The following FBLIM1 variants were observed in gnomAD, a reference collection of about 807,000 sequenced individuals.
FBLIM1 encodes filamin-binding LIM protein 1.
In FBLIM1, 29 loss-of-function variants were observed where a neutral mutation model predicts 37.4. The ratio of observed to expected loss-of-function variants is 0.77; its 90% CI spans 0.58 to 1.06. The LOEUF is 1.06. Ranked by LOEUF, FBLIM1 falls within the 50% of genes least tolerant of loss-of-function variation. The probability of loss-of-function intolerance (pLI) is 0.00; values close to 1 mark genes in which losing one functional copy is unlikely to be tolerated. For synonymous variants in FBLIM1, 193 were observed against 199.0 expected (o/e 0.97, Z 0.25); for missense variants, 449 against 505.6 (o/e 0.89, Z 1.07).
chr1:15,779,675 A>G (rs1330707959), intron 8 of FBLIM1, among the ~76,000 whole-genome samples: 1 of 152,086 alleles, frequency 6.6e-6, no homozygotes, highest in Non-Finnish European at 1.5e-5. Flanking sequence ...GTCAGAGAGA[A>G]GGAAAGGACT....
intron 1 of FBLIM1, among the ~76,000 whole-genome samples, chr1:15,759,238 T>C (rs1569664642): frequency 6.6e-6 from 1 of 152,274 alleles, no homozygotes; most frequent in Admixed American, 6.5e-5. Flanking sequence ...GCCGCCCTGC[T>C]CGGCTGCCTG....
In FBLIM1 at chr1:15,766,891, CT is replaced by C. The variant is rs36087502; in HGVS notation, c.251-469del. On this transcript the variant is annotated intron_variant, in intron 3 of 8. Transcript: ENST00000375766. ...TACAGGTGTGAGCCACTGCACCCGG[CT>C]TTTTTTTTTTTTTTTGAGACAGGTT... Among the ~76,000 whole-genome samples, 412 of 133,156 alleles carry C rather than the reference CT, an allele frequency of 3.1e-3. 1 individual carries two copies. Among genetic ancestry groups the C allele is most frequent in the South Asian group, 0.011 (44 of 4,136 alleles). 87.4% of individuals were successfully genotyped at this position (133,156 alleles called of 152,430 possible).
intron 7 of FBLIM1, chr1:15,775,006 C>G: frequency 1.0e-6 from 1 of 988,892 alleles, no homozygotes; most frequent in Non-Finnish European, 1.5e-6. Context: ...ATCACGAGGT[C>G]AGGAGATCGA....
intron 7 of FBLIM1, 32 bp from the exon 8 acceptor site, chr1:15,777,138 C>T (rs771521413): frequency 2.4e-5 from 37 of 1,541,840 alleles, no homozygotes; most frequent in African/African-American, 1.4e-4. Flanking sequence ...GTGGCATGAA[C>T]GCCTCCCAAG....
intron 8 of FBLIM1, among the ~76,000 whole-genome samples, chr1:15,779,752 G>T (rs2069589343): frequency 6.6e-6 from 1 of 152,206 alleles, no homozygotes; most frequent in African/African-American, 2.4e-5. Flanking sequence ...TGGGCGAGCT[G>T]ATTAGAAGCT....
chr1:15,762,722 T>C (rs1557684627), intron 1 of FBLIM1, among the ~76,000 whole-genome samples: 1 of 152,218 alleles, frequency 6.6e-6, no homozygotes, highest in Non-Finnish European at 1.5e-5. Context: ...TCTGATATCC[T>C]CTAGGCACAC....
intron 6 of FBLIM1, among the ~76,000 whole-genome samples, chr1:15,772,546 C>G (rs150624154): frequency 5.0e-4 from 76 of 152,306 alleles, no homozygotes; most frequent in African/African-American, 1.8e-3. Context: ...GAAGGAGAGA[C>G]AGCATGTCCA....
At chr1:15,769,764 G>A (rs2069110233) in intron 5 of FBLIM1, among the ~76,000 whole-genome samples, 1 of 151,850 alleles carries the variant, frequency 6.6e-6, no homozygotes, top group Non-Finnish European at 1.5e-5. Context: ...AGTCTCCTGA[G>A]TACTGGGACT....
upstream of FBLIM1, chr1:15,757,837 C>T (rs908802778): frequency 1.3e-5 from 2 of 152,284 alleles, no homozygotes; most frequent in African/African-American, 2.4e-5. This position sits in a 1 kb window ranked among gnomAD's most constrained non-coding sequence, Gnocchi z 4.1. Context: ...CCGGCCCCAT[C>T]CCGGGCCCCA....
At chr1:15,761,255 G>C (rs1334216657) in intron 1 of FBLIM1, among the ~76,000 whole-genome samples, 2 of 152,132 alleles carry the variant, frequency 1.3e-5, no homozygotes, top group Non-Finnish European at 2.9e-5. Context: ...TGGGAACTTG[G>C]GCGACTTTGT....
intron 6 of FBLIM1, among the ~76,000 whole-genome samples, chr1:15,773,681 GA>G (rs35429082): frequency 0.63 from 67,206 of 107,030 alleles, 19,098 homozygotes; most frequent in East Asian, 0.78. Flanking sequence ...CTCCGTCTCA[GA>G]AAAAAAAAAA....
rs1266369138 is a variant in FBLIM1 at position 15,770,482 on chromosome 1, T to C, written c.615T>C (p.His205=). The change falls in exon 6 of 9, where the codon CAT becomes CAC. Residue 205 remains histidine (H), a synonymous_variant. Coordinates refer to ENST00000375766, the MANE Select transcript of FBLIM1 (RefSeq NM_017556.4). ...TGGAGGCCATGAAGAGGCAGTACCA[T>C]GCCCAGTGCTTCACGTGCCGCACCT... ...LAVEAMKRQY[H]AQCFTCRTCR... is the part of the protein sequence containing the mutation. The C allele has an allele frequency of 6.2e-7, 1 of 1,613,576 alleles. No individual in the cohort carries two copies. Among genetic ancestry groups the C allele is most frequent in the African/African-American group, 1.3e-5 (1 of 74,862 alleles).
chr1:15,762,902 C>G (rs892428050), intron 1 of FBLIM1, among the ~76,000 whole-genome samples: 1 of 152,036 alleles, frequency 6.6e-6, no homozygotes, highest in Non-Finnish European at 1.5e-5. Context: ...AGCTGGGCCT[C>G]TAAGAGAAAG....
At chr1:15,757,953 G>A (rs2068485693), upstream of FBLIM1, 1 of 152,268 alleles carries the variant, frequency 6.6e-6, no homozygotes, top group African/African-American at 2.4e-5. This position sits in a 1 kb window ranked among gnomAD's most constrained non-coding sequence, Gnocchi z 4.1. Context: ...GGCCAGCCGG[G>A]CCCTGCCTTC....
chr1:15,759,637 C>T (rs61783870), intron 1 of FBLIM1, among the ~76,000 whole-genome samples: 2,345 of 152,322 alleles, frequency 0.015, 24 homozygotes, highest in Admixed American at 0.025. Context: ...GGCCTAGACC[C>T]TGAGTCTTCT....
chr1:15,760,399 G>C (rs1415637204), intron 1 of FBLIM1, among the ~76,000 whole-genome samples: 2 of 152,022 alleles, frequency 1.3e-5, no homozygotes, highest in Non-Finnish European at 2.9e-5. Flanking sequence ...GGGTGGTGGC[G>C]TGTGCCTGTG....
At position 15,765,305 on chromosome 1, in the gene FBLIM1, G is replaced by A. The variant is rs555340698; in HGVS notation, c.250+72G>A. On this transcript the variant is annotated intron_variant, in intron 3 of 8. Transcript: ENST00000375766. The surrounding 1 kb of genome is among the most constrained non-coding windows in gnomAD (Gnocchi z 5.9). The stretch of plus-strand genomic sequence containing the variant: ...TGGGGAGGAAAGGGCAGGCTCCAGC[G>A]TCATTCATTCATTCATTATTCATCC... The A allele has an allele frequency of 1.9e-5, 29 of 1,507,972 alleles. No homozygotes were observed. Among genetic ancestry groups the A allele is most frequent in the South Asian group, 6.5e-5 (5 of 76,740 alleles). 93.4% of individuals were successfully genotyped at this position (1,507,972 alleles called of 1,614,324 possible).
chr1:15,776,739 G>A (rs978400988), intron 7 of FBLIM1, among the ~76,000 whole-genome samples: 2 of 151,952 alleles, frequency 1.3e-5, no homozygotes, highest in East Asian at 3.9e-4. Flanking sequence ...GTGCCTGCCT[G>A]TAGTCCCAGC....
intron 6 of FBLIM1, among the ~76,000 whole-genome samples, chr1:15,772,759 G>T (rs1244490952): frequency 6.6e-6 from 1 of 152,086 alleles, no homozygotes; most frequent in Non-Finnish European, 1.5e-5. Context: ...TTCAAGACGA[G>T]CCTGGGCAAC....
Sources: gnomAD v4.1 joint callset for allele counts (sites outside exome capture counted in the v4.1 genomes callset) on GRCh38, gnomAD v4.1.1 for gene constraint, Gnocchi (gnomAD v3.1) non-coding constraint, MANE v1.5 for transcripts, NCBI Gene and HGNC (gene_info 2026-07-23, HGNC 2026-07-21) for gene names.